HAUS3: variants seen among roughly 807,000 people sequenced by gnomAD.
The protein encoded by HAUS3 is HAUS augmin-like complex subunit 3.
In HAUS3, 36 loss-of-function variants were observed where a neutral mutation model predicts 55.2. The observed-to-expected ratio is 0.65, with a 90% CI of 0.50 to 0.86. HAUS3 has a LOEUF of 0.86. Ranked by LOEUF, HAUS3 falls within the 40% of genes least tolerant of loss-of-function variation. HAUS3 has a pLI of 0.00. For missense variants in HAUS3, 752 were observed against 671.5 expected (o/e 1.12, Z -1.33); for synonymous variants, 234 against 238.6 (o/e 0.98, Z 0.18).
At chr4:2,241,411 A>T in intron 2 of HAUS3, 109 bp downstream of exon 2, 2 of 801,070 alleles carry the variant, frequency 2.5e-6, no homozygotes, top group Non-Finnish European at 3.0e-6. Flanking sequence ...AATGGATCCA[A>T]ACAAACCCAA....
intron 5 of HAUS3, among the ~76,000 whole-genome samples, chr4:2,233,842 T>C (rs1485035054): frequency 6.6e-6 from 1 of 152,222 alleles, no homozygotes; most frequent in Non-Finnish European, 1.5e-5. Context: ...ATATGGTCAA[T>C]GGTGTCTAGT....
At chr4:2,238,120 C>T (rs1734833429) in intron 4 of HAUS3, among the ~76,000 whole-genome samples, 1 of 152,130 alleles carries the variant, frequency 6.6e-6, no homozygotes. Context: ...TTTTCAGTAT[C>T]CCTCTGCCAT....
rs1013267687 is a variant in HAUS3 at position 2,242,064 on chromosome 4, G to A, written c.-432C>T. The A allele has an allele frequency of 5.0e-5, 49 of 985,628 alleles. No individual in the cohort carries two copies. The African/African-American group carries it at 7.5e-4, about 15-fold the overall frequency. The allele number at this position is 985,628 out of a possible 1,614,324, so 61.1% of individuals were successfully genotyped here. A position where few individuals can be genotyped will look rare whatever the true frequency, so the allele number is the denominator to read the frequency against. On this transcript the variant is annotated 5_prime_UTR_variant, in exon 1 of 6. Coordinates refer to ENST00000443786, the MANE Select transcript of HAUS3 (RefSeq NM_001303143.2). ...CGCGTCAGTCACCTCAGGAAGTTCC[G>A]CTTGCTTCTCGCAGGAGCCCGCCGC...
chr4:2,240,163 T>C lies in HAUS3; in HGVS notation c.784A>G (p.Met262Val). The C allele has an allele frequency of 6.2e-7, 1 of 1,614,016 alleles. No homozygotes were observed. Among genetic ancestry groups the C allele is most frequent in the South Asian group, 1.1e-5 (1 of 91,070 alleles). ...ATGTATGCGAGCTGCAGTCTAGCCA[T>C]CTCTAGTCGTCTCTCCTCAAGGATT... is the stretch of plus-strand genomic sequence containing the variant. ...QEILEERRLE[M>V]ARLQLAYICA... The change falls in exon 3 of 6, where the codon ATG (methionine) becomes GTG (valine). Residue 262 changes from methionine (M) to valine (V), a missense_variant. Physicochemically the swap from Met to Val is conservative, Grantham distance 21. Transcript: ENST00000443786.
At chr4:2,232,182 A>T (rs777102396) in intron 5 of HAUS3, 22 bp from the exon 6 acceptor site, 5 of 1,149,658 alleles carry the variant, frequency 4.3e-6, no homozygotes, top group Admixed American at 2.7e-5. Context: ...AAATAAAAAT[A>T]AAAATTAAAA....
Position 2,231,776 on chromosome 4 carries a change from T to C in HAUS3, c.*151A>G. The C allele has an allele frequency of 1.9e-6, 1 of 540,502 alleles. No individual in the cohort carries two copies. The highest frequency in any genetic ancestry group is 3.3e-6 in the Non-Finnish European group (1 of 304,924). The allele number at this position is 540,502 out of a possible 1,614,324, so 33.5% of individuals were successfully genotyped here. ...GCACTGGTATTCTGAATGTACTACA[T>C]GAGAAAAAAGACAAATTAATATAAT... On this transcript the variant is annotated 3_prime_UTR_variant, in exon 6 of 6. Transcript: ENST00000443786.
rs947971901 is a variant in HAUS3 at position 2,241,718 on chromosome 4, G to A, written c.-346C>T. On this transcript the variant is annotated 5_prime_UTR_variant, in exon 2 of 6. Coordinates refer to ENST00000443786, the MANE Select transcript of HAUS3 (RefSeq NM_001303143.2). Reference sequence around the variant, plus strand: ...AGCCCCAGGGATCCGCGGCCCCAAGGCCGCGATACACCAGACGCGCCAGCG... The same window carrying A: ...AGCCCCAGGGATCCGCGGCCCCAAGACCGCGATACACCAGACGCGCCAGCG... The A allele has an allele frequency of 1.7e-5, 17 of 985,370 alleles. No individual in the cohort carries two copies. The African/African-American group carries it at 2.6e-4, about 15-fold the overall frequency. The allele number at this position is 985,370 out of a possible 1,614,324, so 61.0% of individuals were successfully genotyped here. A position where few individuals can be genotyped will look rare whatever the true frequency, so the allele number is the denominator to read the frequency against.
chr4:2,241,137 A>ATAAGTATT, intron 2 of HAUS3, 44 bp from the exon 3 acceptor site: 1 of 509,042 alleles, frequency 2.0e-6, no homozygotes, highest in Admixed American at 3.9e-5. Flanking sequence ...ATATGACGAC[A>ATAAGTATT]GTGTTTTTAA....
chr4:2,231,624 T>C lies in HAUS3; in HGVS notation c.*303A>G, dbSNP rs1734582488. On this transcript the variant is annotated 3_prime_UTR_variant, in exon 6 of 6. Transcript: ENST00000443786. ...AAAAAAAATTTAACGGCAGAAAATT[T>C]CTATTTCTAAAAAGGAGAGAGATAA... 1 of 174,958 alleles carries C rather than the reference T, an allele frequency of 5.7e-6. No homozygotes were observed. The highest frequency in any genetic ancestry group is 1.5e-4 in the South Asian group (1 of 6,520). The allele number at this position is 174,958 out of a possible 1,614,324, so 10.8% of individuals were successfully genotyped here.
Position 2,241,763 on chromosome 4 carries a change from G to A in HAUS3, c.-391C>T, listed in dbSNP as rs1052273020. 8 of 985,360 alleles carry A rather than the reference G, an allele frequency of 8.1e-6. No individual in the cohort carries two copies. The highest frequency in any genetic ancestry group is 1.7e-5 in the African/African-American group (1 of 57,242). 61.0% of individuals were successfully genotyped at this position (985,360 alleles called of 1,614,324 possible). ...CCAGCGGCAAAACCTTCCTTCGGAG[G>A]GTCACCCAGCTGTGACACCTAAGCA... is the stretch of plus-strand genomic sequence containing the variant. On this transcript the variant is annotated 5_prime_UTR_variant, in exon 2 of 6. Coordinates refer to ENST00000443786, the MANE Select transcript of HAUS3 (RefSeq NM_001303143.2).
chr4:2,233,450 A>C (rs1734654294), intron 5 of HAUS3, among the ~76,000 whole-genome samples: 1 of 151,868 alleles, frequency 6.6e-6, no homozygotes, highest in South Asian at 2.1e-4. Flanking sequence ...TTTTTTTCAC[A>C]TTTTAACATA....
rs1734945074 is a variant in HAUS3, at chr4:2,240,564, G to C, written c.383C>G (p.Ser128Ter). 1 of 1,613,292 alleles carries C rather than the reference G, an allele frequency of 6.2e-7. No homozygotes were observed. Among genetic ancestry groups the C allele is most frequent in the South Asian group, 1.1e-5 (1 of 90,866 alleles). Reference sequence around the variant, plus strand: ...CCTCAGAGATTTGTGGCTAGTTACTGAAGCCATCAATTGACATTTATTACG... The same window carrying C: ...CCTCAGAGATTTGTGGCTAGTTACTCAAGCCATCAATTGACATTTATTACG... ...QRRNKCQLMA[S>*]VTSHKSLRLN... Residue 128 changes from serine (S) to a stop codon, truncating the protein, a stop_gained, in exon 3 of 6, where the codon TCA (serine) becomes TGA (stop). Coordinates refer to ENST00000443786, the MANE Select transcript of HAUS3 (RefSeq NM_001303143.2). LOFTEE classifies it high-confidence loss of function.
rs745732140 is a variant in HAUS3, at chr4:2,240,137, A to T, written c.810T>A (p.Ile270=). The change falls in exon 3 of 6, where the codon ATT becomes ATA. Residue 270 remains isoleucine, a synonymous_variant. Transcript: ENST00000443786. ...AGTGAATTAACTGATGTTGAGCACA[A>T]ATGTATGCGAGCTGCAGTCTAGCCA... is the stretch of plus-strand genomic sequence containing the variant. The part of the protein sequence containing the change: ...LEMARLQLAY[I]CAQHQLIHLK... 1 of 1,613,836 alleles carries T rather than the reference A, an allele frequency of 6.2e-7. No homozygotes were observed. The highest frequency in any genetic ancestry group is 8.5e-7 in the Non-Finnish European group (1 of 1,179,714).
Position 2,240,360 on chromosome 4 carries a change from G to T in HAUS3, c.587C>A (p.Ser196Ter). ...GQGTNPLVFL[S>*]QFSLEKYLSQ... ...TAGGTATTTTTCCAAGGAAAATTGC[G>T]ATAAAAATACCAGTGGATTTGTCCC... Residue 196 changes from serine (S) to a stop codon, truncating the protein, a stop_gained, in exon 3 of 6, where the codon TCG becomes TAG. Coordinates refer to ENST00000443786, the MANE Select transcript of HAUS3 (RefSeq NM_001303143.2). LOFTEE classifies it high-confidence loss of function. The T allele has an allele frequency of 6.2e-7, 1 of 1,602,644 alleles. No homozygotes were observed. The highest frequency in any genetic ancestry group is 8.5e-7 in the Non-Finnish European group (1 of 1,173,028).
At chr4:2,233,873 T>C (rs1238857781) in intron 5 of HAUS3, among the ~76,000 whole-genome samples, 1 of 152,182 alleles carries the variant, frequency 6.6e-6, no homozygotes, top group African/African-American at 2.4e-5. Flanking sequence ...ATAGTGCTGG[T>C]AGCATTATAA....
intron 4 of HAUS3, among the ~76,000 whole-genome samples, chr4:2,237,320 TA>T (rs1734801398): frequency 6.6e-6 from 1 of 151,470 alleles, no homozygotes; most frequent in South Asian, 2.1e-4. Flanking sequence ...CCTGTAGTCC[TA>T]ACTACTCAGG....
Position 2,232,074 on chromosome 4 carries a change from T to C in HAUS3, c.1665A>G (p.Thr555=). 6.2e-7 allele frequency: 1 copy of C among 1,601,878 alleles called. No individual in the cohort carries two copies. The highest frequency in any genetic ancestry group is 8.5e-7 in the Non-Finnish European group (1 of 1,172,872). Residue 555 remains threonine (T), a synonymous_variant, in exon 6 of 6, where the codon ACA becomes ACG. Transcript: ENST00000443786. Reference sequence around the variant, plus strand: ...TATTATTTGCCAAAGTTTTTCTTTTTGTCTTCACATCAGCAAGAATATCAG... The same window carrying C: ...TATTATTTGCCAAAGTTTTTCTTTTCGTCTTCACATCAGCAAGAATATCAG... ...LLTDILADVK[T]KRKTLANNKL...
At chr4:2,239,812 A>G (rs1734904898) in intron 3 of HAUS3, among the ~76,000 whole-genome samples, 1 of 152,244 alleles carries the variant, frequency 6.6e-6, no homozygotes, top group South Asian at 2.1e-4. Context: ...GTTTAAAATA[A>G]ATTAGATAAT....
intron 5 of HAUS3, chr4:2,234,392 G>C (rs987792417): frequency 6.6e-6 from 1 of 152,530 alleles, no homozygotes; most frequent in African/African-American, 2.4e-5. Context: ...GACTGCTAAA[G>C]GGGGTGATGT....
Sources: gnomAD v4.1 joint callset for allele counts (sites outside exome capture counted in the v4.1 genomes callset) on GRCh38, gnomAD v4.1.1 for gene constraint, MANE v1.5 for transcripts, NCBI Gene and HGNC (gene_info 2026-07-23, HGNC 2026-07-21) for gene names.